Variants in SZRD1 observed in about 807,000 individuals in gnomAD.
The protein encoded by SZRD1 is SUZ RNA-binding domain-containing.
SZRD1 carries 7 observed loss-of-function variants against 17.6 expected under a neutral mutation model. The ratio of observed to expected loss-of-function variants is 0.40; its 90% CI spans 0.23 to 0.75. SZRD1 has a LOEUF of 0.75. Ranked by LOEUF, SZRD1 falls within the 30% of genes least tolerant of loss-of-function variation. The probability of loss-of-function intolerance (pLI) is 0.38; values close to 1 mark genes in which losing one functional copy is unlikely to be tolerated. For synonymous variants in SZRD1, 77 were observed against 77.9 expected, an observed-to-expected ratio of 0.99 and a Z score of 0.06; for missense variants, 178 against 201.8, an observed-to-expected ratio of 0.88 and a Z score of 0.71.
chr1:16,387,055 G>A, intron 1 of SZRD1: 1 of 315,678 alleles, frequency 3.2e-6, no homozygotes, highest in South Asian at 2.7e-5. Flanking sequence ...TGCCAAACAG[G>A]GCTGGTGTGA....
intron 1 of SZRD1, among the ~76,000 whole-genome samples, chr1:16,381,082 C>T (rs942938412): frequency 5.1e-4 from 68 of 134,246 alleles, no homozygotes; most frequent in African/African-American, 1.6e-3. Context: ...GACCCTGGCT[C>T]GTTAAAAAAA....
At chr1:16,370,486 C>T (rs1374834449) in intron 1 of SZRD1, among the ~76,000 whole-genome samples, 1 of 151,678 alleles carries the variant, frequency 6.6e-6, no homozygotes, top group Non-Finnish European at 1.5e-5. Context: ...CTTAGGCTCC[C>T]AAAGTGCTGG....
intron 1 of SZRD1, chr1:16,387,210 C>T: frequency 4.6e-6 from 2 of 431,430 alleles, no homozygotes; most frequent in Non-Finnish European, 9.2e-6. Flanking sequence ...CGCATTTACT[C>T]AGACATGGCC....
intron 1 of SZRD1, among the ~76,000 whole-genome samples, chr1:16,380,561 C>T (rs57867896): frequency 0.027 from 4,109 of 152,196 alleles, 185 homozygotes; most frequent in African/African-American, 0.092. Context: ...CTCCACCTCC[C>T]GGGTTCAAGC....
chr1:16,372,351 T>C (rs1163246658), intron 1 of SZRD1, among the ~76,000 whole-genome samples: 1 of 152,098 alleles, frequency 6.6e-6, no homozygotes, highest in African/African-American at 2.4e-5. Context: ...CAGGTGCCTG[T>C]AATCCCAGCT....
rs2100685699 is a variant in SZRD1 at position 16,369,401 on chromosome 1, G to T, written c.51+2093G>T. The T allele has an allele frequency of 4.7e-6, 5 of 1,063,750 alleles. No homozygotes were observed. In the Admixed American group the frequency reaches 5.3e-5, roughly 11 times the overall value. The allele number at this position is 1,063,750 out of a possible 1,614,324, so 65.9% of individuals were successfully genotyped here. A position where few individuals can be genotyped will look rare whatever the true frequency, so the allele number is the denominator to read the frequency against. On this transcript the variant is annotated intron_variant, in intron 1 of 3. Coordinates refer to ENST00000401088, the MANE Select transcript of SZRD1 (RefSeq NM_001114600.3). ...TTTCCGTTCACTTTGATCCTTTCTT[G>T]CAAAAACTGCTCAAAATTGGCAGCA...
chr1:16,369,627 G>A (rs577980606), intron 1 of SZRD1: 37 of 587,020 alleles, frequency 6.3e-5, no homozygotes, highest in African/African-American at 5.2e-4. Context: ...TGTGGCTCAC[G>A]CCTGTAATCC....
intron 1 of SZRD1, among the ~76,000 whole-genome samples, chr1:16,383,227 C>CT (rs2083135958): frequency 9.4e-6 from 1 of 106,728 alleles, no homozygotes; most frequent in Non-Finnish European, 2.0e-5. Context: ...TTTTTTTTTT[C>CT]TTTTCTTTCG....
intron 1 of SZRD1, among the ~76,000 whole-genome samples, chr1:16,379,699 T>A (rs952973446): frequency 1.3e-5 from 2 of 152,160 alleles, no homozygotes; most frequent in African/African-American, 4.8e-5. Flanking sequence ...ATAACCTATC[T>A]GAATTGATTC....
In SZRD1 at chr1:16,393,068, C is replaced by G. The variant is rs1392736299; in HGVS notation, c.102-160C>G. On this transcript the variant is annotated intron_variant, in intron 2 of 3. Transcript: ENST00000401088. The surrounding 1 kb of genome is among the most constrained non-coding windows in gnomAD (Gnocchi z 5.6). Reference sequence around the variant, plus strand: ...AAGCTTACTTTTTTGGGACACCCTTCTTGAGGAGTGGAAATTTTGCTGTCT... The same window carrying G: ...AAGCTTACTTTTTTGGGACACCCTTGTTGAGGAGTGGAAATTTTGCTGTCT... Among the ~76,000 whole-genome samples, 5 of 152,088 alleles carry G rather than the reference C, an allele frequency of 3.3e-5. No homozygotes were observed. Among genetic ancestry groups the G allele is most frequent in the African/African-American group, 1.2e-4 (5 of 41,406 alleles).
chr1:16,374,461 C>G (rs1015656091), intron 1 of SZRD1, among the ~76,000 whole-genome samples: 1 of 152,232 alleles, frequency 6.6e-6, no homozygotes, highest in African/African-American at 2.4e-5. Flanking sequence ...TCCCAGCGTG[C>G]TCTGGGTATC....
intron 1 of SZRD1, among the ~76,000 whole-genome samples, chr1:16,384,966 AGAGAAACATTG>A (rs1410061664): frequency 6.6e-6 from 1 of 152,204 alleles, no homozygotes; most frequent in Non-Finnish European, 1.5e-5. Flanking sequence ...TTTGAATTTG[AGAGAAACATTG>A]GAAATGTCAT....
chr1:16,382,618 C>T (rs2083124367), intron 1 of SZRD1, among the ~76,000 whole-genome samples: 1 of 151,934 alleles, frequency 6.6e-6, no homozygotes, highest in Non-Finnish European at 1.5e-5. Flanking sequence ...CCTCAGTCTC[C>T]CGAGCAGCTG....
At chr1:16,369,551 G>T in intron 1 of SZRD1, 1 of 718,714 alleles carries the variant, frequency 1.4e-6, no homozygotes, top group Non-Finnish European at 2.5e-6. Flanking sequence ...GAGGCAGAAA[G>T]CCAGAGTTCT....
intron 1 of SZRD1, among the ~76,000 whole-genome samples, chr1:16,380,553 C>G (rs1278743128): frequency 2.0e-5 from 3 of 152,102 alleles, no homozygotes; most frequent in Non-Finnish European, 4.4e-5. Flanking sequence ...ACCACAGCCT[C>G]CACCTCCCGG....
chr1:16,376,777 G>C (rs1222000697), intron 1 of SZRD1, among the ~76,000 whole-genome samples: 1 of 144,438 alleles, frequency 6.9e-6, no homozygotes, highest in Non-Finnish European at 1.5e-5. Flanking sequence ...CTGCACTCCA[G>C]CCTGGGCGAC....
intron 1 of SZRD1, among the ~76,000 whole-genome samples, chr1:16,384,545 C>T (rs1363367042): frequency 6.6e-6 from 1 of 152,104 alleles, no homozygotes; most frequent in Non-Finnish European, 1.5e-5. Context: ...AGAATCCCAT[C>T]CATATTTGTG....
rs2085342493 is a variant in SZRD1, at chr1:16,398,062, A to T, written c.*2922A>T. 2.3e-6 allele frequency: 2 copies of T among 885,068 alleles called. No individual in the cohort carries two copies. Among genetic ancestry groups the T allele is most frequent in the African/African-American group, 1.8e-5 (1 of 55,136 alleles). The allele number at this position is 885,068 out of a possible 1,614,324, so 54.8% of individuals were successfully genotyped here. A position where few individuals can be genotyped will look rare whatever the true frequency, so the allele number is the denominator to read the frequency against. On this transcript the variant is annotated 3_prime_UTR_variant, in exon 4 of 4. Transcript: ENST00000401088. The stretch of plus-strand genomic sequence containing the variant: ...GTGTAGCGGGCAGCTGCCCACTCCC[A>T]CCCCACCCTGCACCGCGGGCTCCTG...
chr1:16,387,152 A>G, intron 1 of SZRD1: 3 of 382,948 alleles, frequency 7.8e-6, no homozygotes, highest in South Asian at 5.8e-5. Flanking sequence ...TATTAGTATT[A>G]TATTACATGC....
Sources: allele counts gnomAD v4.1 joint callset (sites outside exome capture counted in the v4.1 genomes callset), GRCh38; gene constraint gnomAD v4.1.1; non-coding constraint Gnocchi (gnomAD v3.1); transcripts MANE v1.5; gene names NCBI Gene and HGNC (gene_info 2026-07-23, HGNC 2026-07-21).